The following SIK3 variants were observed in gnomAD, a reference collection of about 807,000 sequenced individuals.
The protein encoded by SIK3 is SIK family kinase 3.
SIK3 carries 28 observed loss-of-function variants against 144.2 expected under a neutral mutation model. The observed-to-expected ratio is 0.19, with a 90% confidence interval of 0.14 to 0.27. The LOEUF is 0.27. Among genes scored for constraint, SIK3 ranks in the 10% least tolerant of loss-of-function variants. The pLI is 1.00. For synonymous variants in SIK3, 686 were observed against 676.3 expected, an observed-to-expected ratio of 1.01 and a Z score of -0.22; for missense variants, 1,319 against 1,776.0, an observed-to-expected ratio of 0.74 and a Z score of 4.62.
chr11:116,970,839 G>T (rs1054333335), intron 1 of SIK3, among the ~76,000 whole-genome samples: 1 of 150,856 alleles, frequency 6.6e-6, no homozygotes, highest in Non-Finnish European at 1.5e-5. Flanking sequence ...TAAGAGAAGG[G>T]TCTTGCTCTT....
chr11:116,845,847 GTACTCTTTGCATTAC>G (rs1435324443), intron 24 of SIK3, among the ~76,000 whole-genome samples: 1 of 152,130 alleles, frequency 6.6e-6, no homozygotes, highest in Admixed American at 6.5e-5. Flanking sequence ...TGCCTGCTGT[GTACTCTTTGCATTAC>G]TCCAGCCAAA....
chr11:116,978,460 T>A (rs1186146571), intron 1 of SIK3, among the ~76,000 whole-genome samples: 1 of 152,158 alleles, frequency 6.6e-6, no homozygotes, highest in East Asian at 1.9e-4. Context: ...CCAAACAACA[T>A]ATTGTTTAGA....
At chr11:116,870,010 G>A in intron 14 of SIK3, 5 of 898,910 alleles carry the variant, frequency 5.6e-6, no homozygotes, top group South Asian at 1.6e-5. Flanking sequence ...TGGCAGGTAC[G>A]AGCAGGCTTT....
At chr11:116,870,285 G>A (rs1943898870) in intron 14 of SIK3, 46 bp downstream of exon 14, 2 of 1,612,008 alleles carry the variant, frequency 1.2e-6, no homozygotes, top group Non-Finnish European at 1.7e-6. Flanking sequence ...GGTTGCAGGG[G>A]AGCCTGCCCA....
chr11:116,908,261 A>G (rs1360038276), intron 4 of SIK3, among the ~76,000 whole-genome samples: 1 of 152,164 alleles, frequency 6.6e-6, no homozygotes, highest in Non-Finnish European at 1.5e-5. Flanking sequence ...GGATTGCTTG[A>G]GCTCAGTAGT....
chr11:117,084,872 C>T (rs1021077086), intron 1 of SIK3, among the ~76,000 whole-genome samples: 10 of 151,962 alleles, frequency 6.6e-5, no homozygotes, highest in Non-Finnish European at 1.0e-4. Flanking sequence ...GCAAACAAAA[C>T]TGGAAATTAT....
chr11:116,952,756 C>T (rs1030151258), intron 3 of SIK3, among the ~76,000 whole-genome samples: 3 of 152,156 alleles, frequency 2.0e-5, no homozygotes, highest in Non-Finnish European at 2.9e-5. Flanking sequence ...GATTTCTCCA[C>T]GGAAAGGAAA....
intron 1 of SIK3, among the ~76,000 whole-genome samples, chr11:117,086,865 C>T (rs368866841): frequency 4.6e-5 from 7 of 151,314 alleles, no homozygotes; most frequent in Non-Finnish European, 7.4e-5. Flanking sequence ...TGTGGTGGCA[C>T]GTGCCTGTAA....
intron 16 of SIK3, 108 bp from the exon 17 acceptor site, chr11:116,862,435 C>T (rs1378991496): frequency 2.2e-5 from 31 of 1,437,934 alleles, no homozygotes; most frequent in African/African-American, 2.8e-5. Flanking sequence ...GAAAGAGCCG[C>T]AAGAGAACAG....
At chr11:116,934,035 G>C (rs1478177650) in intron 3 of SIK3, among the ~76,000 whole-genome samples, 3 of 152,120 alleles carry the variant, frequency 2.0e-5, no homozygotes, top group African/African-American at 7.2e-5. Flanking sequence ...TTCTCAGAGA[G>C]GTCTTTCCTA....
intron 1 of SIK3, among the ~76,000 whole-genome samples, chr11:117,064,111 G>A (rs1395891549): frequency 6.6e-6 from 1 of 152,146 alleles, no homozygotes; most frequent in Non-Finnish European, 1.5e-5. Context: ...ATAAAGCCAG[G>A]TCAAAACTAA....
In SIK3 at chr11:117,027,520, T is replaced by C. The variant is rs1455980087; in HGVS notation, c.274-70456A>G. The stretch of plus-strand genomic sequence containing the variant: ...GTCGCCCAGGCTGGATGGAGTGCAA[T>C]GGTGCAATCTCGGCTCACTGCCACC... On this transcript the variant is annotated intron_variant, in intron 1 of 24. Coordinates refer to ENST00000445177, the MANE Select transcript of SIK3 (RefSeq NM_001366686.3). Among the ~76,000 whole-genome samples, 3 of 151,950 alleles carry C rather than the reference T, an allele frequency of 2.0e-5. No homozygotes were observed. The East Asian group carries it at 5.8e-4, about 29-fold the overall frequency.
chr11:116,890,943 G>A (rs188342730), intron 6 of SIK3, among the ~76,000 whole-genome samples: 1 of 152,266 alleles, frequency 6.6e-6, no homozygotes, highest in African/African-American at 2.4e-5. Flanking sequence ...GATCAATTTA[G>A]TAAGTCGAAA....
intron 1 of SIK3, among the ~76,000 whole-genome samples, chr11:116,965,744 T>TAC (rs1949508882): frequency 2.1e-4 from 1 of 4,792 alleles, no homozygotes; most frequent in African/African-American, 4.8e-4. Flanking sequence ...AATATATATA[T>TAC]ATATATATAT....
At chr11:117,076,464 TATTTACCA>T (rs1954541600) in intron 1 of SIK3, among the ~76,000 whole-genome samples, 1 of 152,150 alleles carries the variant, frequency 6.6e-6, no homozygotes, top group Admixed American at 6.5e-5. Context: ...GAACAACTGT[TATTTACCA>T]ATTTACCAAG....
intron 1 of SIK3, among the ~76,000 whole-genome samples, chr11:117,051,535 T>C (rs1565596064): frequency 1.3e-5 from 2 of 151,962 alleles, no homozygotes; most frequent in Non-Finnish European, 2.9e-5. Flanking sequence ...TTTTCCTTGT[T>C]TTTTGTTTTT....
chr11:116,857,703 T>G (rs752736264), intron 21 of SIK3, 107 bp downstream of exon 21: 2 of 1,462,348 alleles, frequency 1.4e-6, no homozygotes, highest in African/African-American at 1.4e-5. Context: ...GCTCAGAAAT[T>G]CTTTTTTTCT....
chr11:116,999,693 G>T (rs1350116973), intron 1 of SIK3, among the ~76,000 whole-genome samples: 2 of 152,078 alleles, frequency 1.3e-5, no homozygotes, highest in African/African-American at 4.8e-5. Context: ...CCAAAGTGCT[G>T]GGATTACAGG....
At position 116,860,509 on chromosome 11, in the gene SIK3, C is replaced by G. The variant is rs535615551; in HGVS notation, c.2425+765G>C. ...CATCTGTACACCCACAAGAGAGGGG[C>G]CCACGTGTATAGTAGACAGCCAAAC... On this transcript the variant is annotated intron_variant, in intron 19 of 24. Coordinates refer to ENST00000445177, the MANE Select transcript of SIK3 (RefSeq NM_001366686.3). Among the ~76,000 whole-genome samples, 29 of 152,276 alleles carry G rather than the reference C, an allele frequency of 1.9e-4. No individual in the cohort carries two copies. The South Asian group carries it at 6.0e-3, about 32-fold the overall frequency.
Sources: allele counts gnomAD v4.1 joint callset (sites outside exome capture counted in the v4.1 genomes callset), GRCh38; gene constraint gnomAD v4.1.1; transcripts MANE v1.5; gene names NCBI Gene and HGNC (gene_info 2026-07-23, HGNC 2026-07-21).